The following FOXN3 variants were observed in gnomAD, a reference collection of about 807,000 sequenced individuals.
FOXN3 encodes the protein forkhead box N3, also known as forkhead box protein N3.
FOXN3 carries 7 observed loss-of-function variants against 38.4 expected under a neutral mutation model. That is an observed-to-expected ratio of 0.18 (90% CI 0.10 to 0.34). The LOEUF (loss-of-function observed/expected upper bound fraction) is 0.34, where lower values mean the gene tolerates loss of function less well. FOXN3 is among the 10% of genes least tolerant of loss of function. FOXN3 has a pLI of 1.00. For missense variants in FOXN3, 456 were observed against 613.4 expected (o/e 0.74, Z 2.71); for synonymous variants, 230 against 242.2 (o/e 0.95, Z 0.47).
At chr14:89,572,222 A>G (rs988773126) in intron 1 of FOXN3, among the ~76,000 whole-genome samples, 1 of 152,262 alleles carries the variant, frequency 6.6e-6, no homozygotes, top group Non-Finnish European at 1.5e-5. Flanking sequence ...ATGTTTATAA[A>G]GATGATTTTA....
intron 3 of FOXN3, among the ~76,000 whole-genome samples, chr14:89,288,718 C>A (rs1596156947): frequency 2.1e-4 from 9 of 43,798 alleles, no homozygotes; most frequent in Non-Finnish European, 2.5e-4. Flanking sequence ...CTCTCTCTCT[C>A]TCTCTCTATA....
chr14:89,444,606 AC>A (rs1892456333), intron 1 of FOXN3, among the ~76,000 whole-genome samples: 1 of 152,100 alleles, frequency 6.6e-6, no homozygotes, highest in Admixed American at 6.6e-5. Flanking sequence ...ATCATTTACA[AC>A]CCCACAGAAA....
intron 1 of FOXN3, among the ~76,000 whole-genome samples, chr14:89,586,767 C>T (rs190898792): frequency 3.0e-4 from 45 of 152,296 alleles, no homozygotes; most frequent in Admixed American, 2.1e-3. Flanking sequence ...ACTAGTGTGC[C>T]TCTACTACTG....
intron 1 of FOXN3, among the ~76,000 whole-genome samples, chr14:89,429,539 T>A (rs1892114119): frequency 1.3e-5 from 2 of 152,254 alleles, no homozygotes; most frequent in South Asian, 4.1e-4. Context: ...TGATTTTTTT[T>A]TTTTTGAAGC....
At chr14:89,252,865 C>T (rs1025394995) in intron 4 of FOXN3, among the ~76,000 whole-genome samples, 3 of 152,194 alleles carry the variant, frequency 2.0e-5, no homozygotes, top group African/African-American at 4.8e-5. Context: ...AACTGGCATG[C>T]GTTTTCAACT....
At chr14:89,363,885 A>C (rs1360441437) in intron 2 of FOXN3, among the ~76,000 whole-genome samples, 1 of 149,488 alleles carries the variant, frequency 6.7e-6, no homozygotes, top group African/African-American at 2.5e-5. Context: ...TCAAGGCTGC[A>C]GTGAGCTATG....
intron 3 of FOXN3, among the ~76,000 whole-genome samples, chr14:89,286,067 C>T (rs1049251842): frequency 1.3e-5 from 2 of 151,780 alleles, no homozygotes; most frequent in South Asian, 2.1e-4. Context: ...GACAGGGTCT[C>T]ACTATGTTGC....
At position 89,491,696 on chromosome 14, in the gene FOXN3, G is replaced by A. The variant is rs76267172; in HGVS notation, c.-14-79206C>T. 7.3e-3 allele frequency among the ~76,000 whole-genome samples: 1,117 copies of A among 152,218 alleles called. 11 individuals carry two copies. The highest frequency in any genetic ancestry group is 0.017 in the Middle Eastern group (5 of 294). On this transcript the variant is annotated intron_variant, in intron 1 of 6. Transcript: ENST00000345097. Reference sequence around the variant, plus strand: ...GAGCTCTGCCTCGGGAGGTTTATTCGGACCATTTTACCACCATTTATGACT... The same window carrying A: ...GAGCTCTGCCTCGGGAGGTTTATTCAGACCATTTTACCACCATTTATGACT...
At chr14:89,395,010 A>G (rs1320758195) in intron 2 of FOXN3, among the ~76,000 whole-genome samples, 1 of 152,258 alleles carries the variant, frequency 6.6e-6, no homozygotes, top group Non-Finnish European at 1.5e-5. Flanking sequence ...TTATGAGGAC[A>G]GGATTTTATT....
At chr14:89,344,484 G>A (rs551187783) in intron 3 of FOXN3, among the ~76,000 whole-genome samples, 2 of 152,336 alleles carry the variant, frequency 1.3e-5, no homozygotes, top group South Asian at 2.1e-4. Flanking sequence ...CAACCATGGT[G>A]AGAGAGGATT....
intron 1 of FOXN3, among the ~76,000 whole-genome samples, chr14:89,492,189 G>A (rs143308191): frequency 3.2e-4 from 49 of 152,294 alleles, no homozygotes; most frequent in Admixed American, 9.2e-4. Flanking sequence ...ATAACAGAAC[G>A]TTATGTAAAC....
At chr14:89,183,970 A>G (rs557029937) in intron 4 of FOXN3, 11 of 152,338 alleles carry the variant, frequency 7.2e-5, no homozygotes, top group Admixed American at 1.3e-4. Flanking sequence ...GACTTAGCTG[A>G]GTTACGGAAG....
At chr14:89,205,307 T>A (rs907437171) in intron 4 of FOXN3, among the ~76,000 whole-genome samples, 27 of 152,134 alleles carry the variant, frequency 1.8e-4, no homozygotes, top group Admixed American at 1.6e-3. Context: ...GATGAGGTCA[T>A]GAGGGAGGGG....
At chr14:89,538,430 A>G (rs1018443540) in intron 1 of FOXN3, among the ~76,000 whole-genome samples, 1 of 152,250 alleles carries the variant, frequency 6.6e-6, no homozygotes, top group Non-Finnish European at 1.5e-5. Context: ...GAATAAAAAC[A>G]GAATTTTGAA....
At chr14:89,336,250 T>TCCATC (rs1566960019) in intron 3 of FOXN3, among the ~76,000 whole-genome samples, 4 of 6,688 alleles carry the variant, frequency 6.0e-4, no homozygotes, top group South Asian at 4.3e-3. Flanking sequence ...ATCCATCCAT[T>TCCATC]CATCCATCCA....
rs140021850 is a variant in FOXN3 at position 89,384,284 on chromosome 14, G to A, written c.543+27650C>T. 7.4e-4 allele frequency among the ~76,000 whole-genome samples: 113 copies of A among 152,034 alleles called. 2 individuals are homozygous for A. The East Asian group carries it at 0.016, about 22-fold the overall frequency. ...GAGGAGATCAACTCCTCACCTCTGC[G>A]CCCACCAGCCTGCTTCACTGTGCTC... On this transcript the variant is annotated intron_variant, in intron 2 of 5. Transcript: ENST00000557258.
In FOXN3 at chr14:89,617,547, G is replaced by A. The variant is rs562516257; in HGVS notation, c.-15+1481C>T. ...ACAGTTAAGCATCCATCTACTGATG[G>A]TCCTTTTTTTAAAAGACTCAGATCA... On this transcript the variant is annotated intron_variant, in intron 1 of 6. Transcript: ENST00000345097. Among the ~76,000 whole-genome samples, 94 of 152,270 alleles carry A rather than the reference G, an allele frequency of 6.2e-4. 1 individual carries two copies. The highest frequency in any genetic ancestry group is 6.6e-4 in the Non-Finnish European group (45 of 68,012).
chr14:89,400,687 T>TGGACACTAA (rs1380743449), intron 2 of FOXN3, among the ~76,000 whole-genome samples: 1 of 152,174 alleles, frequency 6.6e-6, no homozygotes, highest in Non-Finnish European at 1.5e-5. Context: ...GACCCCTCTT[T>TGGACACTAA]CTGTTCCTTG....
At chr14:89,377,743 T>C (rs549277189) in intron 2 of FOXN3, among the ~76,000 whole-genome samples, 4 of 152,340 alleles carry the variant, frequency 2.6e-5, no homozygotes, top group African/African-American at 7.2e-5. Context: ...CAAAATGAAC[T>C]GCACAACTCG....
Sources: allele counts gnomAD v4.1 joint callset (sites outside exome capture counted in the v4.1 genomes callset), GRCh38; gene constraint gnomAD v4.1.1; transcripts MANE v1.5; gene names NCBI Gene and HGNC (gene_info 2026-07-23, HGNC 2026-07-21).